The following PIK3CA variants were observed in gnomAD, a reference collection of about 807,000 sequenced individuals.
The protein encoded by PIK3CA is phosphatidylinositol 4,5-bisphosphate 3-kinase catalytic subunit alpha isoform.
In PIK3CA, 27 loss-of-function variants were observed where a neutral mutation model predicts 138.2. The ratio of observed to expected loss-of-function variants is 0.20; its 90% confidence interval spans 0.14 to 0.27. The LOEUF is 0.27. Among genes scored for constraint, PIK3CA ranks in the 10% least tolerant of loss-of-function variants. PIK3CA has a pLI of 1.00. For synonymous variants in PIK3CA, 358 were observed against 413.2 expected (o/e 0.87, Z 1.62); for missense variants, 544 against 1,277.4 (o/e 0.43, Z 8.75).
rs1471999807 is a variant in PIK3CA at position 179,236,151 on chromosome 3, C to CT, written c.*1788dup. 1 of 205,366 alleles carries CT rather than the reference C, an allele frequency of 4.9e-6. No individual in the cohort carries two copies. Among genetic ancestry groups the CT allele is most frequent in the Non-Finnish European group, 1.0e-5 (1 of 100,446 alleles). The allele number at this position is 205,366 out of a possible 1,614,324, so 12.7% of individuals were successfully genotyped here. On this transcript the variant is annotated 3_prime_UTR_variant, in exon 21 of 21. Coordinates refer to ENST00000263967, the MANE Select transcript of PIK3CA (RefSeq NM_006218.4). Reference sequence around the variant, plus strand: ...AGTCTTGAGTAGTGAACAAGGGACTCTAATACCAATACTCTTAATATCTGG... The same window carrying CT: ...AGTCTTGAGTAGTGAACAAGGGACTCTTAATACCAATACTCTTAATATCTGG...
At chr3:179,206,147 A>C (rs1044874062) in intron 6 of PIK3CA, among the ~76,000 whole-genome samples, 2 of 139,966 alleles carry the variant, frequency 1.4e-5, no homozygotes, top group African/African-American at 5.5e-5. Context: ...GCTGGAGTAC[A>C]GTCAAGTGTA....
chr3:179,232,663 G>C lies in PIK3CA; in HGVS notation c.2937-1431G>C, dbSNP rs1725239340. On this transcript the variant is annotated intron_variant, in intron 20 of 20. Coordinates refer to ENST00000263967, the MANE Select transcript of PIK3CA (RefSeq NM_006218.4). Reference sequence around the variant, plus strand: ...TGAAAAATGATGGTGACAGTGTTTTGTAGTTTTCCTTGAAAAGATCTTTCA... The same window carrying C: ...TGAAAAATGATGGTGACAGTGTTTTCTAGTTTTCCTTGAAAAGATCTTTCA... Among the ~76,000 whole-genome samples, 6 of 151,980 alleles carry C rather than the reference G, an allele frequency of 3.9e-5. No homozygotes were observed. The South Asian group carries it at 1.2e-3, about 32-fold the overall frequency.
At chr3:179,195,116 G>A (rs1366082571) in intron 1 of PIK3CA, among the ~76,000 whole-genome samples, 3 of 151,956 alleles carry the variant, frequency 2.0e-5, no homozygotes, top group African/African-American at 7.3e-5. Context: ...TGGGAATCTG[G>A]GGAACTGGAA....
At position 179,212,131 on chromosome 3, in the gene PIK3CA, C is replaced by T. The variant is rs189381495; in HGVS notation, c.1539+1566C>T. ...CAAGTGATCCTCCTGCCTCAGCCTCCTGAGTAGCTGGGATTACAGGCATGC... is the reference window on the plus strand; with the variant it reads ...CAAGTGATCCTCCTGCCTCAGCCTCTTGAGTAGCTGGGATTACAGGCATGC... On this transcript the variant is annotated intron_variant, in intron 9 of 20. Transcript: ENST00000263967. 8.4e-3 allele frequency among the ~76,000 whole-genome samples: 1,273 copies of T among 151,974 alleles called. 5 individuals carry two copies. The highest frequency in any genetic ancestry group is 0.014 in the Non-Finnish European group (963 of 67,954).
At position 179,230,028 on chromosome 3, in the gene PIK3CA, T is replaced by C. The variant is rs1725176406; in HGVS notation, c.2691T>C (p.Phe897=). 1.9e-6 allele frequency: 3 copies of C among 1,612,988 alleles called. No individual in the cohort carries two copies. Among genetic ancestry groups the C allele is most frequent in the Middle Eastern group, 1.7e-4 (1 of 6,050 alleles). The change falls in exon 19 of 21, where the codon TTT becomes TTC. Residue 897 remains phenylalanine, a synonymous_variant. Transcript: ENST00000263967. The surrounding 1 kb of genome is among the most constrained non-coding windows in gnomAD (Gnocchi z 5.4). Reference sequence around the variant, plus strand: ...GATATGATGCAGCCATTGACCTGTTTACACGTTCATGTGCTGGATACTGTG... The same window carrying C: ...GATATGATGCAGCCATTGACCTGTTCACACGTTCATGTGCTGGATACTGTG... ...GEIYDAAIDL[F]TRSCAGYCVA...
Position 179,230,425 on chromosome 3 carries a change from A to G in PIK3CA, c.2936+49A>G, listed in dbSNP as rs1253924711. ...CAAAATAAAGAGTTCTGGCTGCTCT[A>G]TTAGAAACAATCAATATTTTTCAAG... is the stretch of plus-strand genomic sequence containing the variant. On this transcript the variant is annotated intron_variant, in intron 20 of 20. Coordinates refer to ENST00000263967, the MANE Select transcript of PIK3CA (RefSeq NM_006218.4). This position sits in a 1 kb window ranked among gnomAD's most constrained non-coding sequence, Gnocchi z 5.4. 10 of 1,419,764 alleles carry G rather than the reference A, an allele frequency of 7.0e-6. 1 individual carries two copies. The highest frequency in any genetic ancestry group is 2.6e-5 in the South Asian group (2 of 76,602). 87.9% of individuals were successfully genotyped at this position (1,419,764 alleles called of 1,614,324 possible). A position where few individuals can be genotyped will look rare whatever the true frequency, so the allele number is the denominator to read the frequency against.
chr3:179,202,138 T>G (rs1320104593), intron 4 of PIK3CA, among the ~76,000 whole-genome samples: 1 of 152,108 alleles, frequency 6.6e-6, no homozygotes, highest in Admixed American at 6.5e-5. Flanking sequence ...GATCATGGCT[T>G]ACTGCAGCAT....
intron 1 of PIK3CA, among the ~76,000 whole-genome samples, chr3:179,161,761 T>C (rs1010261833): frequency 1.3e-5 from 2 of 152,204 alleles, no homozygotes; most frequent in Admixed American, 6.5e-5. Flanking sequence ...TGTTTTGAGA[T>C]GCTTGTAATT....
chr3:179,180,294 C>T (rs1286859790), intron 1 of PIK3CA, among the ~76,000 whole-genome samples: 2 of 152,252 alleles, frequency 1.3e-5, no homozygotes, highest in South Asian at 2.1e-4. Context: ...TGTCAGAAAT[C>T]AGGCCCACTT....
chr3:179,204,053 C>T (rs1724492685), intron 5 of PIK3CA, among the ~76,000 whole-genome samples: 1 of 152,140 alleles, frequency 6.6e-6, no homozygotes, highest in Non-Finnish European at 1.5e-5. Context: ...ATTCGTTTGG[C>T]AGAAAGACCT....
At chr3:179,170,065 C>G (rs1424325839) in intron 1 of PIK3CA, among the ~76,000 whole-genome samples, 9 of 38,768 alleles carry the variant, frequency 2.3e-4, no homozygotes, top group Non-Finnish European at 4.0e-4. Flanking sequence ...TGCGCGTGCA[C>G]ACGCGCGCGC....
intron 2 of PIK3CA, 106 bp downstream of exon 2, chr3:179,199,283 G>A (rs1461884996): frequency 3.8e-5 from 25 of 656,782 alleles, no homozygotes; most frequent in South Asian, 2.5e-4. Flanking sequence ...ATCTTAAATA[G>A]CTTTCTAAAT....
intron 1 of PIK3CA, among the ~76,000 whole-genome samples, chr3:179,174,132 AAAGT>A (rs2108364849): frequency 6.6e-6 from 1 of 152,342 alleles, no homozygotes; most frequent in African/African-American, 2.4e-5. Flanking sequence ...AAGCTAAAAT[AAAGT>A]AATACATGCA....
intron 9 of PIK3CA, among the ~76,000 whole-genome samples, chr3:179,212,550 G>A (rs1357818109): frequency 6.6e-6 from 1 of 151,860 alleles, no homozygotes; most frequent in Non-Finnish European, 1.5e-5. Context: ...GTTGCAGTGA[G>A]CCGAGATTGC....
intron 4 of PIK3CA, among the ~76,000 whole-genome samples, chr3:179,202,825 C>T (rs943373359): frequency 6.6e-6 from 1 of 151,954 alleles, no homozygotes; most frequent in South Asian, 2.1e-4. Context: ...GAACAGCAGC[C>T]TTTGGATGGG....
intron 6 of PIK3CA, among the ~76,000 whole-genome samples, chr3:179,205,687 T>C (rs561562809): frequency 6.6e-6 from 1 of 152,330 alleles, no homozygotes; most frequent in African/African-American, 2.4e-5. Flanking sequence ...AAATAAAAAG[T>C]AGTATAATCC....
chr3:179,173,355 G>A (rs1233266489), intron 1 of PIK3CA, among the ~76,000 whole-genome samples: 3 of 138,836 alleles, frequency 2.2e-5, no homozygotes, highest in Non-Finnish European at 3.0e-5. Flanking sequence ...TCAGGAGATC[G>A]AGACCATCCT....
intron 1 of PIK3CA, among the ~76,000 whole-genome samples, chr3:179,183,990 G>C (rs938634804): frequency 2.6e-5 from 4 of 151,368 alleles, no homozygotes; most frequent in Non-Finnish European, 2.9e-5. Flanking sequence ...GGTCCTTCTA[G>C]TATTTTTGGT....
chr3:179,221,017 A>C lies in PIK3CA; in HGVS notation c.2047A>C (p.Arg683=). 1 of 1,612,826 alleles carries C rather than the reference A, an allele frequency of 6.2e-7. No individual in the cohort carries two copies. The highest frequency in any genetic ancestry group is 8.5e-7 in the Non-Finnish European group (1 of 1,179,204). Reference sequence around the variant, plus strand: ...GATGCACAATAAAACAGTTAGCCAGAGGTTTGGCCTGCTTTTGGAGTCCTA... The same window carrying C: ...GATGCACAATAAAACAGTTAGCCAGCGGTTTGGCCTGCTTTTGGAGTCCTA... The part of the protein sequence containing the change: ...SEMHNKTVSQ[R]FGLLLESYCR... The change falls in exon 14 of 21, where the codon AGG becomes CGG. Residue 683 remains arginine (R), a synonymous_variant. Transcript: ENST00000263967.
Sources: allele counts gnomAD v4.1 joint callset (sites outside exome capture counted in the v4.1 genomes callset), GRCh38; gene constraint gnomAD v4.1.1; non-coding constraint Gnocchi (gnomAD v3.1); transcripts MANE v1.5; gene names NCBI Gene and HGNC (gene_info 2026-07-23, HGNC 2026-07-21).